Variants in LRP1B observed in about 807,000 individuals in gnomAD.
LRP1B encodes LDL receptor related protein 1B.
LRP1B carries 217 observed loss-of-function variants against 556.6 expected under a neutral mutation model. That is an observed-to-expected ratio of 0.39 (90% CI 0.35 to 0.44). LRP1B has a LOEUF of 0.44. Among genes scored for constraint, LRP1B ranks in the 20% least tolerant of loss-of-function variants. The probability of loss-of-function intolerance (pLI) is 1.00; values close to 1 mark genes in which losing one functional copy is unlikely to be tolerated. For synonymous variants in LRP1B, 2,047 were observed against 1,865.8 expected (o/e 1.10, Z -2.50); for missense variants, 5,053 against 5,620.8 (o/e 0.90, Z 3.23).
intron 1 of LRP1B, among the ~76,000 whole-genome samples, chr2:142,111,117 T>G (rs1199635857): frequency 6.6e-6 from 1 of 152,152 alleles, no homozygotes; most frequent in Admixed American, 6.6e-5. Context: ...AACTGCCCAC[T>G]GTGGGCAAAA....
chr2:140,267,691 G>T (rs1350728853), intron 86 of LRP1B, among the ~76,000 whole-genome samples: 1 of 151,714 alleles, frequency 6.6e-6, no homozygotes, highest in East Asian at 2.0e-4. Context: ...TGGAGTGTGG[G>T]GATATAGAGG....
At chr2:141,981,333 C>A (rs746003953) in intron 1 of LRP1B, among the ~76,000 whole-genome samples, 3 of 152,010 alleles carry the variant, frequency 2.0e-5, no homozygotes, top group Non-Finnish European at 2.9e-5. Flanking sequence ...TCAATGATAA[C>A]AAGTCTAACG....
intron 41 of LRP1B, among the ~76,000 whole-genome samples, chr2:140,658,213 T>C (rs1574203617): frequency 6.6e-6 from 1 of 152,176 alleles, no homozygotes; most frequent in Non-Finnish European, 1.5e-5. Flanking sequence ...AAAAGGAAAG[T>C]TTAGCTTCTG....
At chr2:141,464,419 CTT>C (rs36072838) in intron 3 of LRP1B, among the ~76,000 whole-genome samples, 4 of 145,128 alleles carry the variant, frequency 2.8e-5, no homozygotes, top group Admixed American at 6.9e-5. Flanking sequence ...TTTGCTGTGA[CTT>C]TTTTTTTTTG....
At chr2:140,239,600 A>G in intron 87 of LRP1B, 68 bp from the exon 88 acceptor site, 3 of 940,560 alleles carry the variant, frequency 3.2e-6, no homozygotes, top group Non-Finnish European at 4.9e-6. Context: ...AAAACTAAGT[A>G]CTTTATTATA....
At chr2:141,696,468 T>C (rs989747213) in intron 2 of LRP1B, among the ~76,000 whole-genome samples, 2 of 151,928 alleles carry the variant, frequency 1.3e-5, no homozygotes, top group Non-Finnish European at 2.9e-5. Flanking sequence ...TACATTGCCT[T>C]TGATTAATAA....
At chr2:141,128,042 G>A (rs1701260145) in intron 7 of LRP1B, among the ~76,000 whole-genome samples, 1 of 152,088 alleles carries the variant, frequency 6.6e-6, no homozygotes, top group Admixed American at 6.6e-5. Context: ...TAGGCTAGAA[G>A]CAATCACAGC....
At chr2:141,416,286 A>G (rs1296625456) in intron 3 of LRP1B, among the ~76,000 whole-genome samples, 1 of 152,170 alleles carries the variant, frequency 6.6e-6, no homozygotes, top group East Asian at 1.9e-4. Flanking sequence ...TTCATGAGGT[A>G]AGTGACCTTG....
At chr2:140,262,923 A>ATGTTTGTTTATT (rs1453657657) in intron 86 of LRP1B, among the ~76,000 whole-genome samples, 3 of 152,054 alleles carry the variant, frequency 2.0e-5, no homozygotes, top group African/African-American at 7.2e-5. Context: ...CGATAAAAAT[A>ATGTTTGTTTATT]TGTTTGTTTA....
intron 18 of LRP1B, among the ~76,000 whole-genome samples, chr2:140,981,593 A>G (rs1696770788): frequency 6.6e-6 from 1 of 152,158 alleles, no homozygotes; most frequent in Non-Finnish European, 1.5e-5. Flanking sequence ...CTATTTTCAA[A>G]AGTAAGAGAA....
chr2:141,274,399 T>A (rs1345107368), intron 3 of LRP1B, among the ~76,000 whole-genome samples: 4 of 152,194 alleles, frequency 2.6e-5, no homozygotes, highest in Non-Finnish European at 5.9e-5. Flanking sequence ...TGATACAAGC[T>A]ACAACATGAG....
chr2:141,850,778 C>G (rs2105774364), intron 1 of LRP1B, among the ~76,000 whole-genome samples: 1 of 151,518 alleles, frequency 6.6e-6, no homozygotes, highest in South Asian at 2.1e-4. Context: ...CCTCTGGTCC[C>G]CAAGCATTCA....
At chr2:142,087,133 T>C (rs1411276097) in intron 1 of LRP1B, among the ~76,000 whole-genome samples, 3 of 152,318 alleles carry the variant, frequency 2.0e-5, no homozygotes, top group Middle Eastern at 6.8e-3. Flanking sequence ...TGTAGTTTTC[T>C]ATTTTAGGTT....
chr2:140,898,585 C>T (rs536828386), intron 23 of LRP1B: 7 of 342,510 alleles, frequency 2.0e-5, no homozygotes, highest in South Asian at 1.4e-4. Flanking sequence ...CAACCTACCA[C>T]TTTTGCTGAT....
intron 2 of LRP1B, among the ~76,000 whole-genome samples, chr2:141,664,955 A>G (rs1690369181): frequency 6.6e-6 from 1 of 152,202 alleles, no homozygotes; most frequent in South Asian, 2.1e-4. Flanking sequence ...ACTTCAAAAT[A>G]TACTACAAGT....
chr2:141,356,835 C>G (rs933962069), intron 3 of LRP1B, among the ~76,000 whole-genome samples: 1 of 151,878 alleles, frequency 6.6e-6, no homozygotes, highest in Non-Finnish European at 1.5e-5. Flanking sequence ...TAAGCCATAC[C>G]CTTATGTCCT....
intron 1 of LRP1B, among the ~76,000 whole-genome samples, chr2:141,988,667 C>T (rs1399611876): frequency 6.6e-6 from 1 of 152,014 alleles, no homozygotes; most frequent in Non-Finnish European, 1.5e-5. Context: ...AGAAAACACT[C>T]ATCTTCCATA....
chr2:141,640,625 G>A (rs1159393576), intron 2 of LRP1B, among the ~76,000 whole-genome samples: 4 of 152,072 alleles, frequency 2.6e-5, no homozygotes, highest in Admixed American at 2.6e-4. Context: ...GGCCAACATG[G>A]TGAAACCCAC....
At chr2:141,430,058 G>A (rs565107958) in intron 3 of LRP1B, among the ~76,000 whole-genome samples, 1 of 152,124 alleles carries the variant, frequency 6.6e-6, no homozygotes, top group Admixed American at 6.5e-5. Flanking sequence ...AGGTTCTTCT[G>A]TGTATAAGTC....
Sources: allele counts gnomAD v4.1 joint callset (sites outside exome capture counted in the v4.1 genomes callset), GRCh38; gene constraint gnomAD v4.1.1; transcripts MANE v1.5; gene names NCBI Gene and HGNC (gene_info 2026-07-23, HGNC 2026-07-21).